GRID2: variants seen among roughly 807,000 people sequenced by gnomAD.
GRID2 encodes the protein glutamate receptor ionotropic, delta-2.
In GRID2, 33 loss-of-function variants were observed where a neutral mutation model predicts 114.8. That is an observed-to-expected ratio of 0.29 (90% CI 0.22 to 0.38). GRID2 has a LOEUF of 0.38. Among genes scored for constraint, GRID2 ranks in the 10% least tolerant of loss-of-function variants. The pLI is 1.00. For missense variants in GRID2, 1,184 were observed against 1,257.7 expected, an observed-to-expected ratio of 0.94 and a Z score of 0.89; for synonymous variants, 505 against 449.9, an observed-to-expected ratio of 1.12 and a Z score of -1.55.
chr4:92,970,264 T>A (rs1190934861), intron 2 of GRID2, among the ~76,000 whole-genome samples: 1 of 151,926 alleles, frequency 6.6e-6, no homozygotes, highest in Non-Finnish European at 1.5e-5. Context: ...AGAAAGTGTT[T>A]GTACTTAATT....
At chr4:92,816,183 C>T (rs1220262481) in intron 2 of GRID2, among the ~76,000 whole-genome samples, 2 of 150,892 alleles carry the variant, frequency 1.3e-5, no homozygotes, top group Non-Finnish European at 3.0e-5. Context: ...GGTGTGGTGG[C>T]ACATGCGTGC....
chr4:92,417,912 G>T (rs971399463), intron 1 of GRID2, among the ~76,000 whole-genome samples: 3 of 152,104 alleles, frequency 2.0e-5, no homozygotes, highest in Admixed American at 6.6e-5. Context: ...TGCAGGCTCT[G>T]TTGCCTGCCA....
intron 2 of GRID2, among the ~76,000 whole-genome samples, chr4:92,728,233 T>C (rs1736154997): frequency 6.6e-6 from 1 of 152,132 alleles, no homozygotes; most frequent in Admixed American, 6.6e-5. Context: ...TCCTTCTCTT[T>C]TACTCTTCTG....
chr4:92,648,159 G>C (rs1402279756), intron 2 of GRID2, among the ~76,000 whole-genome samples: 1 of 149,720 alleles, frequency 6.7e-6, no homozygotes, highest in African/African-American at 2.5e-5. Context: ...TGATTCAATA[G>C]TACCAGCAAT....
intron 2 of GRID2, among the ~76,000 whole-genome samples, chr4:92,816,887 G>A (rs181347989): frequency 1.1e-4 from 16 of 152,220 alleles, no homozygotes; most frequent in Non-Finnish European, 1.6e-4. Context: ...TAAAAACAGG[G>A]ATATAGTGTG....
intron 7 of GRID2, among the ~76,000 whole-genome samples, chr4:93,235,821 G>A (rs1746719770): frequency 6.6e-6 from 1 of 152,032 alleles, no homozygotes; most frequent in South Asian, 2.1e-4. Flanking sequence ...GGAAGATAAA[G>A]TAAAGGATAA....
intron 2 of GRID2, among the ~76,000 whole-genome samples, chr4:93,022,657 G>T (rs1016739031): frequency 1.6e-4 from 25 of 151,790 alleles, no homozygotes; most frequent in Non-Finnish European, 3.2e-4. Flanking sequence ...TTTACCCTTT[G>T]TCAACATAAT....
At chr4:93,768,072 T>C (rs1367841866) in intron 14 of GRID2, among the ~76,000 whole-genome samples, 1 of 152,136 alleles carries the variant, frequency 6.6e-6, no homozygotes, top group East Asian at 1.9e-4. Context: ...CACGCTGAAG[T>C]GTCTCCTACG....
rs186114996 is a variant in GRID2, at chr4:93,743,609, G to A, written c.2361-25601G>A. On this transcript the variant is annotated intron_variant, in intron 14 of 15. Coordinates refer to ENST00000282020, the MANE Select transcript of GRID2 (RefSeq NM_001510.4). ...GCTGTGTGCAGAAATTCCATGGTGA[G>A]AGAGGAAGCAAGAGAGAGAGGGAAT... 3.5e-4 allele frequency among the ~76,000 whole-genome samples: 53 copies of A among 152,324 alleles called. No homozygotes were observed. In the Middle Eastern group the frequency reaches 0.014, roughly 39 times the overall value.
At chr4:93,303,450 G>C (rs529011314) in intron 8 of GRID2, among the ~76,000 whole-genome samples, 1 of 152,240 alleles carries the variant, frequency 6.6e-6, no homozygotes, top group East Asian at 1.9e-4. Flanking sequence ...TAGGGTCCTT[G>C]TCATTCTTGG....
At chr4:93,127,133 G>A (rs1342317674) in intron 4 of GRID2, among the ~76,000 whole-genome samples, 1 of 152,136 alleles carries the variant, frequency 6.6e-6, no homozygotes, top group Non-Finnish European at 1.5e-5. Context: ...ATAAGCATTT[G>A]TCTATCTTAA....
intron 2 of GRID2, among the ~76,000 whole-genome samples, chr4:92,955,529 T>C (rs531222217): frequency 2.6e-4 from 39 of 152,162 alleles, no homozygotes; most frequent in African/African-American, 9.4e-4. Flanking sequence ...CTTTGTCAGA[T>C]GAGTAGGTTG....
chr4:92,737,966 A>G (rs1045339615), intron 2 of GRID2, among the ~76,000 whole-genome samples: 1 of 152,072 alleles, frequency 6.6e-6, no homozygotes, highest in Non-Finnish European at 1.5e-5. Flanking sequence ...TAATCTCTAC[A>G]ATGTTTCTCT....
intron 1 of GRID2, among the ~76,000 whole-genome samples, chr4:92,465,941 A>G (rs746053574): frequency 1.3e-5 from 2 of 151,970 alleles, no homozygotes; most frequent in African/African-American, 2.4e-5. Flanking sequence ...ATGATCATAT[A>G]CAGGCAGAAG....
At chr4:92,534,898 T>C (rs1725536725) in intron 1 of GRID2, among the ~76,000 whole-genome samples, 1 of 152,134 alleles carries the variant, frequency 6.6e-6, no homozygotes, top group Non-Finnish European at 1.5e-5. Flanking sequence ...AGGAAAGTAA[T>C]GAAATAGCAG....
At chr4:92,615,250 C>T (rs1421912525) in intron 2 of GRID2, among the ~76,000 whole-genome samples, 1 of 151,382 alleles carries the variant, frequency 6.6e-6, no homozygotes, top group African/African-American at 2.4e-5. Flanking sequence ...CATGAAAACC[C>T]AAAGGATCAA....
At position 92,510,825 on chromosome 4, in the gene GRID2, T is replaced by C. The variant is rs922885054; in HGVS notation, c.89-79306T>C. Reference sequence around the variant, plus strand: ...ATACGTATTAAAACATCAAGCCATATCCCATAAATATGTACAATTACAATG... The same window carrying C: ...ATACGTATTAAAACATCAAGCCATACCCCATAAATATGTACAATTACAATG... On this transcript the variant is annotated intron_variant, in intron 1 of 15. Transcript: ENST00000282020. Among the ~76,000 whole-genome samples the C allele has an allele frequency of 3.7e-4, 54 of 147,314 alleles. 1 individual carries two copies. Among genetic ancestry groups the C allele is most frequent in the Non-Finnish European group, 3.0e-5 (2 of 66,896 alleles).
intron 2 of GRID2, among the ~76,000 whole-genome samples, chr4:92,786,415 A>G (rs926029546): frequency 1.1e-4 from 17 of 151,886 alleles, no homozygotes; most frequent in Non-Finnish European, 2.1e-4. Context: ...TTTATTTTAC[A>G]TCACTATCTT....
intron 1 of GRID2, among the ~76,000 whole-genome samples, chr4:92,407,228 T>G (rs986438583): frequency 6.6e-6 from 1 of 152,086 alleles, no homozygotes; most frequent in Admixed American, 6.6e-5. Flanking sequence ...CACCTGGGGA[T>G]TACAGTTCAA....
Sources: allele counts gnomAD v4.1 joint callset (sites outside exome capture counted in the v4.1 genomes callset), GRCh38; gene constraint gnomAD v4.1.1; transcripts MANE v1.5; gene names NCBI Gene and HGNC (gene_info 2026-07-23, HGNC 2026-07-21).